Variants in TOGARAM1 observed in about 807,000 individuals in gnomAD.
TOGARAM1 encodes TOG array regulator of axonemal microtubules 1.
In TOGARAM1, 100 loss-of-function variants were observed where a neutral mutation model predicts 166.6. The observed-to-expected ratio is 0.60, with a 90% CI of 0.51 to 0.71. The LOEUF is 0.71. TOGARAM1 is among the 30% of genes least tolerant of loss of function. TOGARAM1 has a pLI of 0.00. For synonymous variants in TOGARAM1, 758 were observed against 763.8 expected (o/e 0.99, Z 0.13); for missense variants, 2,029 against 2,102.7 (o/e 0.96, Z 0.69).
rs530220451 is a variant in TOGARAM1 at position 45,000,294 on chromosome 14, C to T, written c.2338+797C>T. Among the ~76,000 whole-genome samples the T allele has an allele frequency of 9.2e-5, 14 of 152,178 alleles. No individual in the cohort carries two copies. The South Asian group carries it at 1.9e-3, about 20-fold the overall frequency. The stretch of plus-strand genomic sequence containing the variant: ...GATTATAGGCATGAGCCACTGTGCC[C>T]GGCCTCTTATTTTATTTTTGTACGC... On this transcript the variant is annotated intron_variant, in intron 3 of 19. Coordinates refer to ENST00000361462, the MANE Select transcript of TOGARAM1 (RefSeq NM_001308120.2).
At chr14:45,002,305 C>T (rs1368985905) in intron 3 of TOGARAM1, among the ~76,000 whole-genome samples, 1 of 152,108 alleles carries the variant, frequency 6.6e-6, no homozygotes, top group Non-Finnish European at 1.5e-5. Flanking sequence ...TTAACCTGTT[C>T]CTGTTTAGGC....
At chr14:45,040,607 T>C (rs1238206476) in intron 11 of TOGARAM1, among the ~76,000 whole-genome samples, 1 of 151,948 alleles carries the variant, frequency 6.6e-6, no homozygotes, top group Non-Finnish European at 1.5e-5. Flanking sequence ...AGAAGAAACA[T>C]CACTACTGAT....
intron 11 of TOGARAM1, among the ~76,000 whole-genome samples, chr14:45,039,399 G>C (rs78722599): frequency 0.015 from 2,326 of 152,248 alleles, 70 homozygotes; most frequent in African/African-American, 0.053. Flanking sequence ...CTGGCTTGAA[G>C]GTACGGCTTC....
chr14:45,039,559 G>T (rs1048784919), intron 11 of TOGARAM1, among the ~76,000 whole-genome samples: 1 of 152,116 alleles, frequency 6.6e-6, no homozygotes, highest in Non-Finnish European at 1.5e-5. Context: ...ATGCTTGTTG[G>T]TGCCCAAAGT....
In TOGARAM1 at chr14:45,054,478, A is replaced by T; in HGVS notation, c.4488A>T (p.Arg1496=). 6.2e-7 allele frequency: 1 copy of T among 1,613,664 alleles called. No individual in the cohort carries two copies. Among genetic ancestry groups the T allele is most frequent in the East Asian group, 2.2e-5 (1 of 44,800 alleles). Residue 1496 remains arginine (R), a synonymous_variant, in exon 16 of 20, where the codon CGA becomes CGT. Coordinates refer to ENST00000361462, the MANE Select transcript of TOGARAM1 (RefSeq NM_001308120.2). ...PLDTPSAKGR[R]SHTGSVGNTR... is the part of the protein sequence containing the mutation. ...ATACTCCTTCAGCAAAAGGAAGACG[A>T]TCTCATACTGGCAGTGTTGGAAATA...
intron 7 of TOGARAM1, among the ~76,000 whole-genome samples, chr14:45,024,494 CTTCTCTTATAAATGAAG>C (rs1449512810): frequency 6.6e-6 from 1 of 151,976 alleles, no homozygotes; most frequent in Non-Finnish European, 1.5e-5. Context: ...TTAATGACAG[CTTCTCTTATAAATGAAG>C]TTAAACTCAT....
At chr14:45,064,089 C>G (rs1007190071) in intron 16 of TOGARAM1, among the ~76,000 whole-genome samples, 2 of 152,104 alleles carry the variant, frequency 1.3e-5, no homozygotes, top group Non-Finnish European at 2.9e-5. Flanking sequence ...CCCCACCCCC[C>G]GCTCTGGTTG....
chr14:45,004,147 A>G lies in TOGARAM1; in HGVS notation c.2425A>G (p.Ser809Gly). 6.2e-7 allele frequency: 1 copy of G among 1,614,128 alleles called. No homozygotes were observed. The highest frequency in any genetic ancestry group is 8.5e-7 in the Non-Finnish European group (1 of 1,180,012). The stretch of plus-strand genomic sequence containing the variant: ...TACTTCCTCAAATGGTCAAAATCCA[A>G]GTCCAGGAGCTTACATCCTTCCATC... ...ECTSSNGQNP[S>G]PGAYILPSYP... Residue 809 changes from serine (S) to glycine (G), a missense_variant, in exon 4 of 20, where the codon AGT (serine) becomes GGT (glycine). Around this residue, in one of 2 missense-constraint regions of TOGARAM1, gnomAD observed 1,453 missense variants for 1,432.2 expected, o/e 1.01. Transcript: ENST00000361462.
intron 16 of TOGARAM1, among the ~76,000 whole-genome samples, chr14:45,064,629 A>G (rs573535847): frequency 1.8e-4 from 27 of 151,774 alleles, no homozygotes; most frequent in African/African-American, 6.5e-4. Context: ...TGCCACCCCT[A>G]CCCTGTCACT....
chr14:45,012,782 A>T (rs537154999), intron 7 of TOGARAM1, among the ~76,000 whole-genome samples: 1 of 152,272 alleles, frequency 6.6e-6, no homozygotes, highest in African/African-American at 2.4e-5. Flanking sequence ...TTCCTAAAAA[A>T]CTGTATATGT....
intron 7 of TOGARAM1, among the ~76,000 whole-genome samples, chr14:45,023,200 G>A (rs1435459209): frequency 6.6e-6 from 1 of 152,140 alleles, no homozygotes; most frequent in East Asian, 1.9e-4. Context: ...GATCAGTCAA[G>A]GGAACCTCTA....
chr14:45,017,745 C>T lies in TOGARAM1; in HGVS notation c.3238+5670C>T, dbSNP rs1317653670. Reference sequence around the variant, plus strand: ...CTAAAAATACAAAAACTTAGCTGAGCGTGGTGGCAGGCACCTGTAATCCCA... The same window carrying T: ...CTAAAAATACAAAAACTTAGCTGAGTGTGGTGGCAGGCACCTGTAATCCCA... On this transcript the variant is annotated intron_variant, in intron 7 of 19. Transcript: ENST00000361462. 3.3e-5 allele frequency among the ~76,000 whole-genome samples: 5 copies of T among 152,178 alleles called. No individual in the cohort carries two copies. The South Asian group carries it at 8.3e-4, about 25-fold the overall frequency.
intron 1 of TOGARAM1, among the ~76,000 whole-genome samples, chr14:44,979,698 G>C (rs942859847): frequency 6.6e-6 from 1 of 152,184 alleles, no homozygotes; most frequent in Non-Finnish European, 1.5e-5. Flanking sequence ...TCCAGAGTTG[G>C]TGCCTTAACC....
intron 7 of TOGARAM1, among the ~76,000 whole-genome samples, chr14:45,023,338 C>A (rs145410157): frequency 6.6e-6 from 1 of 152,284 alleles, no homozygotes; most frequent in East Asian, 1.9e-4. Flanking sequence ...AGCACTGGCC[C>A]TTCAAGTAAT....
chr14:45,017,959 C>T (rs1259985464), intron 7 of TOGARAM1, among the ~76,000 whole-genome samples: 1 of 152,162 alleles, frequency 6.6e-6, no homozygotes. Flanking sequence ...TGTGACTACT[C>T]TGTCCATTGC....
intron 19 of TOGARAM1, 105 bp from the exon 20 acceptor site, chr14:45,073,191 A>G: frequency 8.7e-7 from 1 of 1,144,022 alleles, no homozygotes; most frequent in East Asian, 2.6e-5. Flanking sequence ...TTTAGGACAA[A>G]TTACATAAGG....
At chr14:45,027,158 A>G (rs1880899624) in intron 8 of TOGARAM1, 141 bp from the exon 9 acceptor site, 2 of 761,832 alleles carry the variant, frequency 2.6e-6, no homozygotes, top group Non-Finnish European at 4.2e-6. Context: ...ATTTGTTTTT[A>G]TATTTTATAA....
chr14:45,001,865 A>G (rs1887704021), intron 3 of TOGARAM1, among the ~76,000 whole-genome samples: 1 of 152,198 alleles, frequency 6.6e-6, no homozygotes, highest in African/African-American at 2.4e-5. Flanking sequence ...CAGAAGAGGA[A>G]AGATTGGAGA....
intron 7 of TOGARAM1, among the ~76,000 whole-genome samples, chr14:45,017,259 G>C (rs1444048736): frequency 6.6e-6 from 1 of 152,062 alleles, no homozygotes; most frequent in Non-Finnish European, 1.5e-5. Context: ...AAATAATTTT[G>C]CCAAATAGGA....
Sources: gnomAD v4.1 joint callset for allele counts (sites outside exome capture counted in the v4.1 genomes callset) on GRCh38, gnomAD v4.1.1 for gene constraint, gnomAD v4.1.1 regional missense constraint, MANE v1.5 for transcripts, NCBI Gene and HGNC (gene_info 2026-07-23, HGNC 2026-07-21) for gene names.